The following ANGPT1 variants were observed in gnomAD, a reference collection of about 807,000 sequenced individuals.
ANGPT1 encodes angiopoietin-1.
A neutral mutation model predicts 62.2 loss-of-function variants in ANGPT1; 17 were observed. The observed-to-expected ratio is 0.27, with a 90% CI of 0.19 to 0.41. The LOEUF is 0.41. Ranked by LOEUF, ANGPT1 falls within the 10% of genes least tolerant of loss-of-function variation. ANGPT1 has a pLI of 1.00. For synonymous variants in ANGPT1, 199 were observed against 198.9 expected (o/e 1.00, Z 0.00); for missense variants, 478 against 594.9 (o/e 0.80, Z 2.04).
At chr8:107,336,348 A>C in intron 2 of ANGPT1, 77 bp from the exon 3 acceptor site, 1 of 1,504,498 alleles carries the variant, frequency 6.6e-7, no homozygotes, top group Non-Finnish European at 8.8e-7. Flanking sequence ...TTTGTCGTTA[A>C]ATATTTTTTC....
chr8:107,476,468 G>A (rs912159330), intron 1 of ANGPT1, among the ~76,000 whole-genome samples: 27 of 152,202 alleles, frequency 1.8e-4, no homozygotes, highest in African/African-American at 6.3e-4. Flanking sequence ...GATAGCATTA[G>A]GAGATATACC....
intron 1 of ANGPT1, among the ~76,000 whole-genome samples, chr8:107,412,076 G>A (rs1391303131): frequency 1.3e-5 from 2 of 152,130 alleles, no homozygotes; most frequent in Non-Finnish European, 2.9e-5. Flanking sequence ...CTCACTAGAT[G>A]TAAGTAGCAT....
intron 1 of ANGPT1, among the ~76,000 whole-genome samples, chr8:107,471,494 T>C (rs1460911971): frequency 6.6e-6 from 1 of 152,032 alleles, no homozygotes; most frequent in East Asian, 1.9e-4. Flanking sequence ...CCATAGCACA[T>C]GTATACCTAT....
chr8:107,464,447 C>T (rs969854529), intron 1 of ANGPT1, among the ~76,000 whole-genome samples: 2 of 151,982 alleles, frequency 1.3e-5, no homozygotes, highest in African/African-American at 4.8e-5. Flanking sequence ...AAAGTGTATT[C>T]ATTCATTTAT....
At chr8:107,440,927 C>G (rs887941424) in intron 1 of ANGPT1, among the ~76,000 whole-genome samples, 1 of 152,188 alleles carries the variant, frequency 6.6e-6, no homozygotes, top group African/African-American at 2.4e-5. Context: ...AAGAGATACT[C>G]TTTCCAAATC....
chr8:107,362,746 A>G (rs1418587077), intron 1 of ANGPT1, among the ~76,000 whole-genome samples: 1 of 152,200 alleles, frequency 6.6e-6, no homozygotes, highest in Non-Finnish European at 1.5e-5. Context: ...ACCATTATAG[A>G]AAAGAAATTA....
chr8:107,494,668 A>T (rs1057107121), intron 1 of ANGPT1: 3 of 152,190 alleles, frequency 2.0e-5, no homozygotes, highest in Non-Finnish European at 4.4e-5. Context: ...GGTGACCCAC[A>T]AATCATTTGC....
chr8:107,271,805 G>A (rs1435679122), intron 7 of ANGPT1, among the ~76,000 whole-genome samples: 2 of 150,614 alleles, frequency 1.3e-5, no homozygotes, highest in African/African-American at 4.9e-5. Context: ...TCAGACTTTT[G>A]AGAACCCTAC....
chr8:107,296,856 A>T (rs1814428130), intron 5 of ANGPT1, among the ~76,000 whole-genome samples: 1 of 152,074 alleles, frequency 6.6e-6, no homozygotes, highest in Non-Finnish European at 1.5e-5. Context: ...GAAAAGAATC[A>T]CTACATTTAT....
chr8:107,486,202 G>A (rs574491043), intron 1 of ANGPT1, among the ~76,000 whole-genome samples: 2 of 152,304 alleles, frequency 1.3e-5, no homozygotes, highest in Non-Finnish European at 2.9e-5. Context: ...TTTAGAAATA[G>A]GCTTAAGGTT....
chr8:107,254,841 C>A (rs1428028666), intron 8 of ANGPT1, among the ~76,000 whole-genome samples: 1 of 152,092 alleles, frequency 6.6e-6, no homozygotes, highest in Non-Finnish European at 1.5e-5. Context: ...ATCAGGCAAA[C>A]AAGTAAAACA....
At chr8:107,304,987 C>T (rs947780065) in intron 4 of ANGPT1, among the ~76,000 whole-genome samples, 1 of 151,866 alleles carries the variant, frequency 6.6e-6, no homozygotes, top group African/African-American at 2.4e-5. Flanking sequence ...TAAATGCTTA[C>T]TCAAAAGCCA....
intron 1 of ANGPT1, among the ~76,000 whole-genome samples, chr8:107,464,850 G>A (rs1812161922): frequency 6.6e-6 from 1 of 152,090 alleles, no homozygotes; most frequent in Non-Finnish European, 1.5e-5. Flanking sequence ...TGTGGTAAGT[G>A]TGTTGATGGT....
intron 1 of ANGPT1, among the ~76,000 whole-genome samples, chr8:107,455,921 T>C (rs1426234394): frequency 6.6e-6 from 1 of 151,992 alleles, no homozygotes; most frequent in Non-Finnish European, 1.5e-5. Flanking sequence ...AACTTGGGGA[T>C]TGGAATGAAG....
chr8:107,346,840 C>A, intron 2 of ANGPT1, 102 bp downstream of exon 2: 1 of 1,049,602 alleles, frequency 9.5e-7, no homozygotes, highest in Non-Finnish European at 1.3e-6. Flanking sequence ...ATGTATGTTT[C>A]CCTAATCACA....
At chr8:107,357,970 TACAA>T (rs1816082905) in intron 1 of ANGPT1, among the ~76,000 whole-genome samples, 2 of 152,226 alleles carry the variant, frequency 1.3e-5, no homozygotes, top group African/African-American at 4.8e-5. Context: ...TTTTCTTGCT[TACAA>T]TGAAGTTGCT....
chr8:107,467,196 A>G (rs758339486), intron 1 of ANGPT1, among the ~76,000 whole-genome samples: 17 of 152,022 alleles, frequency 1.1e-4, no homozygotes, highest in Non-Finnish European at 2.4e-4. Context: ...AGATACCCCA[A>G]TTACCTTTAT....
intron 1 of ANGPT1, among the ~76,000 whole-genome samples, chr8:107,396,931 A>G (rs1036045403): frequency 6.6e-6 from 1 of 151,254 alleles, no homozygotes; most frequent in African/African-American, 2.4e-5. Flanking sequence ...CACTTCAGCA[A>G]CTCTCCTTTC....
chr8:107,445,025 C>T (rs1239361721), intron 1 of ANGPT1, among the ~76,000 whole-genome samples: 4 of 152,106 alleles, frequency 2.6e-5, no homozygotes, highest in African/African-American at 4.8e-5. Context: ...CATTAGAATC[C>T]GCACTTCACC....
Sources: gnomAD v4.1 joint callset for allele counts (sites outside exome capture counted in the v4.1 genomes callset) on GRCh38, gnomAD v4.1.1 for gene constraint, MANE v1.5 for transcripts, NCBI Gene and HGNC (gene_info 2026-07-23, HGNC 2026-07-21) for gene names.